Variants in FLI1 observed in about 807,000 individuals in gnomAD.
FLI1 encodes the protein Fli-1 proto-oncogene, ETS transcription factor, also known as Friend leukemia integration 1 transcription factor.
FLI1 carries 13 observed loss-of-function variants against 53.1 expected under a neutral mutation model. The ratio of observed to expected loss-of-function variants is 0.24; its 90% confidence interval spans 0.16 to 0.39. The LOEUF is 0.39. Among genes scored for constraint, FLI1 ranks in the 10% least tolerant of loss-of-function variants. FLI1 has a pLI of 1.00. For synonymous variants in FLI1, 244 were observed against 236.7 expected (o/e 1.03, Z -0.28); for missense variants, 424 against 600.5 (o/e 0.71, Z 3.07).
intron 1 of FLI1, among the ~76,000 whole-genome samples, chr11:128,735,847 A>G (rs1402171794): frequency 6.6e-6 from 1 of 152,244 alleles, no homozygotes; most frequent in East Asian, 1.9e-4. Context: ...GATGTTTTTC[A>G]AATTTTCCTT....
intron 5 of FLI1, among the ~76,000 whole-genome samples, chr11:128,798,071 A>G (rs1424688673): frequency 6.6e-6 from 1 of 152,194 alleles, no homozygotes; most frequent in African/African-American, 2.4e-5. Flanking sequence ...GGCGTTGCGT[A>G]TAAACTGCCT....
At chr11:128,774,028 G>A (rs1233176463) in intron 4 of FLI1, among the ~76,000 whole-genome samples, 1 of 152,126 alleles carries the variant, frequency 6.6e-6, no homozygotes, top group Non-Finnish European at 1.5e-5. Context: ...TCCTTAGACA[G>A]CAACTCTGGG....
chr11:128,805,501 T>C (rs148376962), intron 6 of FLI1, 70 bp downstream of exon 6: 16 of 994,714 alleles, frequency 1.6e-5, no homozygotes, highest in African/African-American at 1.1e-4. Context: ...AACAGGATCA[T>C]GAGACACAGG....
chr11:128,728,365 G>A (rs1197087775), intron 1 of FLI1, among the ~76,000 whole-genome samples: 2 of 152,264 alleles, frequency 1.3e-5, no homozygotes, highest in African/African-American at 4.8e-5. Flanking sequence ...GTAATCACCT[G>A]TGTGTCCCTT....
chr11:128,705,572 CAAA>C (rs1938511744), intron 1 of FLI1, among the ~76,000 whole-genome samples: 1 of 151,996 alleles, frequency 6.6e-6, no homozygotes, highest in Non-Finnish European at 1.5e-5. Flanking sequence ...ATATAAAACA[CAAA>C]GAAGGGAATG....
intron 1 of FLI1, among the ~76,000 whole-genome samples, chr11:128,710,708 G>C (rs79245031): frequency 7.2e-5 from 11 of 152,318 alleles, no homozygotes; most frequent in Non-Finnish European, 1.5e-4. Context: ...ATTGTATAAA[G>C]GGTTTGGACA....
chr11:128,755,965 G>A (rs1940843904), intron 1 of FLI1, among the ~76,000 whole-genome samples: 1 of 152,208 alleles, frequency 6.6e-6, no homozygotes, highest in African/African-American at 2.4e-5. Context: ...CGCTGGGGTG[G>A]AGAATGGCCC....
intron 5 of FLI1, among the ~76,000 whole-genome samples, chr11:128,785,483 C>G (rs1942051480): frequency 6.6e-6 from 1 of 151,724 alleles, no homozygotes; most frequent in South Asian, 2.1e-4. Flanking sequence ...TAGACTAGAA[C>G]CCCCTCACTT....
chr11:128,775,848 T>C (rs555025310), intron 4 of FLI1, among the ~76,000 whole-genome samples: 2 of 152,052 alleles, frequency 1.3e-5, no homozygotes, highest in South Asian at 2.1e-4. Flanking sequence ...GGATGGAAAA[T>C]AGCTGAGATC....
chr11:128,804,965 C>T (rs1942737313), intron 5 of FLI1: 1 of 161,554 alleles, frequency 6.2e-6, no homozygotes, highest in South Asian at 2.0e-4. Flanking sequence ...TCATAAGGTG[C>T]TTTTCCATAT....
intron 1 of FLI1, among the ~76,000 whole-genome samples, chr11:128,707,140 A>G (rs905978038): frequency 9.2e-5 from 14 of 152,158 alleles, no homozygotes; most frequent in African/African-American, 3.4e-4. Flanking sequence ...ACTGCCCCAC[A>G]CTATGAGCTT....
chr11:128,749,273 A>G (rs1381186389), intron 1 of FLI1, among the ~76,000 whole-genome samples: 1 of 152,206 alleles, frequency 6.6e-6, no homozygotes, highest in East Asian at 1.9e-4. Context: ...TCCGGTTACT[A>G]TGGCTACATA....
intron 1 of FLI1, among the ~76,000 whole-genome samples, chr11:128,694,526 C>T (rs1358582574): frequency 1.1e-5 from 1 of 90,838 alleles, no homozygotes; most frequent in Non-Finnish European, 2.2e-5. Flanking sequence ...GGCCCCCCTC[C>T]CACCTCGCTG....
rs1040700036 is a variant in FLI1 at position 128,810,211 on chromosome 11, C to T, written c.830-248C>T. ...GGCAGAGTTTGCACCTCACTTCCCACATTCCATTTACCAGGCCTTGGGGCA... is the reference window on the plus strand; with the variant it reads ...GGCAGAGTTTGCACCTCACTTCCCATATTCCATTTACCAGGCCTTGGGGCA... On this transcript the variant is annotated intron_variant, in intron 8 of 8. Transcript: ENST00000527786. The surrounding 1 kb of genome is among the most constrained non-coding windows in gnomAD (Gnocchi z 6.6). Among the ~76,000 whole-genome samples the T allele has an allele frequency of 6.6e-6, 1 of 151,998 alleles. No individual in the cohort carries two copies. Among genetic ancestry groups the T allele is most frequent in the African/African-American group, 2.4e-5 (1 of 41,384 alleles).
At chr11:128,767,885 G>A (rs558677088) in intron 2 of FLI1, among the ~76,000 whole-genome samples, 2 of 152,314 alleles carry the variant, frequency 1.3e-5, no homozygotes, top group South Asian at 2.1e-4. Flanking sequence ...GGGCACTGAG[G>A]CGCTGCCAGC....
intron 1 of FLI1, among the ~76,000 whole-genome samples, chr11:128,725,391 C>T (rs555742806): frequency 2.0e-5 from 3 of 152,346 alleles, no homozygotes; most frequent in Non-Finnish European, 2.9e-5. Context: ...GGCCGGTCCA[C>T]TTCAGATCAT....
chr11:128,732,624 A>G (rs957878044), intron 1 of FLI1, among the ~76,000 whole-genome samples: 3 of 152,242 alleles, frequency 2.0e-5, no homozygotes, highest in African/African-American at 7.2e-5. Flanking sequence ...TTAAGGCCGG[A>G]TAGATACAAG....
chr11:128,792,699 A>G (rs1359489336), intron 5 of FLI1, among the ~76,000 whole-genome samples: 1 of 152,186 alleles, frequency 6.6e-6, no homozygotes, highest in Admixed American at 6.5e-5. Context: ...TATAATTTAT[A>G]TAATTATACA....
intron 2 of FLI1, chr11:128,764,586 G>T: frequency 6.9e-7 from 1 of 1,443,396 alleles, no homozygotes; most frequent in Non-Finnish European, 9.4e-7. Flanking sequence ...GTGCAGGCAA[G>T]CTGAATGGCA....
Sources: gnomAD v4.1 joint callset for allele counts (sites outside exome capture counted in the v4.1 genomes callset) on GRCh38, gnomAD v4.1.1 for gene constraint, Gnocchi (gnomAD v3.1) non-coding constraint, MANE v1.5 for transcripts, NCBI Gene and HGNC (gene_info 2026-07-23, HGNC 2026-07-21) for gene names.